LRFN5: variants seen among roughly 807,000 people sequenced by gnomAD.
The protein encoded by LRFN5 is leucine rich repeat and fibronectin type III domain containing 5.
LRFN5 carries 24 observed loss-of-function variants against 45.6 expected under a neutral mutation model. The observed-to-expected ratio is 0.53, with a 90% CI of 0.38 to 0.74. The LOEUF (loss-of-function observed/expected upper bound fraction) is 0.74, where lower values mean the gene tolerates loss of function less well. Ranked by LOEUF, LRFN5 falls within the 30% of genes least tolerant of loss-of-function variation. The pLI is 0.00. For synonymous variants in LRFN5, 340 were observed against 313.8 expected (o/e 1.08, Z -0.88); for missense variants, 776 against 861.5 (o/e 0.90, Z 1.24).
chr14:41,831,446 A>G (rs2139034061), intron 2 of LRFN5, among the ~76,000 whole-genome samples: 1 of 152,348 alleles, frequency 6.6e-6, no homozygotes, highest in Non-Finnish European at 1.5e-5. Context: ...CCACAGATAT[A>G]TAATATAAAC....
chr14:41,650,884 A>AG (rs1880082658), intron 1 of LRFN5, among the ~76,000 whole-genome samples: 1 of 102,554 alleles, frequency 9.8e-6, no homozygotes, highest in Non-Finnish European at 2.0e-5. Flanking sequence ...AGAGACAGAG[A>AG]AAGAGAGAGA....
chr14:41,757,842 C>T (rs1042436007), intron 1 of LRFN5, among the ~76,000 whole-genome samples: 4 of 152,118 alleles, frequency 2.6e-5, no homozygotes, highest in Admixed American at 6.5e-5. Context: ...CAGTCTTCTG[C>T]GTGGCTCACA....
chr14:41,678,138 G>C (rs180831703), intron 1 of LRFN5, among the ~76,000 whole-genome samples: 11 of 151,916 alleles, frequency 7.2e-5, no homozygotes, highest in Admixed American at 1.3e-4. Context: ...AAAAGAGCTA[G>C]AGTGGATATA....
intron 2 of LRFN5, among the ~76,000 whole-genome samples, chr14:41,880,768 C>G (rs1890352027): frequency 6.6e-6 from 1 of 152,018 alleles, no homozygotes. Context: ...AAAAAATTCC[C>G]TTTTTCCTAT....
At chr14:41,772,002 T>G (rs759351080) in intron 2 of LRFN5, among the ~76,000 whole-genome samples, 3 of 152,148 alleles carry the variant, frequency 2.0e-5, no homozygotes, top group Non-Finnish European at 1.5e-5. Context: ...CTCTAGGCTG[T>G]AGGAAGTATG....
At chr14:41,835,019 A>G (rs1009366918) in intron 2 of LRFN5, among the ~76,000 whole-genome samples, 8 of 152,116 alleles carry the variant, frequency 5.3e-5, no homozygotes, top group Non-Finnish European at 1.2e-4. Context: ...TTAAAAAAAA[A>G]AAAAACATGA....
At chr14:41,620,295 C>T (rs1888075269) in intron 1 of LRFN5, among the ~76,000 whole-genome samples, 1 of 152,070 alleles carries the variant, frequency 6.6e-6, no homozygotes, top group African/African-American at 2.4e-5. Context: ...AGCAACGTCT[C>T]AAATAATATA....
chr14:41,716,238 C>T (rs569829766), intron 1 of LRFN5, among the ~76,000 whole-genome samples: 7 of 152,248 alleles, frequency 4.6e-5, no homozygotes, highest in East Asian at 1.9e-4. Context: ...GCCCTGGAGA[C>T]GTTTTTTCCA....
intron 1 of LRFN5, among the ~76,000 whole-genome samples, chr14:41,659,133 A>G (rs1302432136): frequency 4.6e-5 from 7 of 152,066 alleles, no homozygotes; most frequent in Non-Finnish European, 8.8e-5. Flanking sequence ...TACATTTGCC[A>G]TGGTGGTTTG....
chr14:41,674,332 AC>A (rs1369085130), intron 1 of LRFN5, among the ~76,000 whole-genome samples: 2 of 84,268 alleles, frequency 2.4e-5, no homozygotes, highest in African/African-American at 4.9e-5. Context: ...CGGGGGGCCG[AC>A]CCCCCCACCT....
chr14:41,671,260 TATCTTCCTA>T (rs1256292968), intron 1 of LRFN5, among the ~76,000 whole-genome samples: 3 of 152,164 alleles, frequency 2.0e-5, no homozygotes, highest in Non-Finnish European at 2.9e-5. Context: ...AATATGGACT[TATCTTCCTA>T]AAGTTTAAAT....
At chr14:41,805,327 A>T (rs1594425143) in intron 2 of LRFN5, among the ~76,000 whole-genome samples, 1 of 150,940 alleles carries the variant, frequency 6.6e-6, no homozygotes, top group African/African-American at 2.4e-5. Context: ...TATATCAATT[A>T]TGCAGATTTG....
chr14:41,622,863 C>CT (rs1888183785), intron 1 of LRFN5, among the ~76,000 whole-genome samples: 1 of 152,060 alleles, frequency 6.6e-6, no homozygotes, highest in South Asian at 2.1e-4. Context: ...AAGTCATACT[C>CT]TTTTTTGATA....
intron 1 of LRFN5, among the ~76,000 whole-genome samples, chr14:41,631,127 T>C (rs1888518327): frequency 6.6e-6 from 1 of 152,192 alleles, no homozygotes; most frequent in Non-Finnish European, 1.5e-5. Context: ...TCAAACTTGC[T>C]CTCTGACATT....
At chr14:41,688,368 T>A (rs779065555) in intron 1 of LRFN5, among the ~76,000 whole-genome samples, 11 of 152,098 alleles carry the variant, frequency 7.2e-5, no homozygotes, top group Admixed American at 2.6e-4. Context: ...GCTGGATACC[T>A]TATTTACCCT....
At chr14:41,800,930 C>T (rs34739344) in intron 2 of LRFN5, among the ~76,000 whole-genome samples, 19,042 of 151,956 alleles carry the variant, frequency 0.13, 1,274 homozygotes, top group East Asian at 0.22. Context: ...GACTACTTCA[C>T]TTATGAGTCA....
chr14:41,846,719 A>G (rs1889081550), intron 2 of LRFN5, among the ~76,000 whole-genome samples: 1 of 152,184 alleles, frequency 6.6e-6, no homozygotes, highest in Non-Finnish European at 1.5e-5. Flanking sequence ...AGGTGTGAGC[A>G]ATGCTGTGTT....
At chr14:41,800,282 T>C (rs889352266) in intron 2 of LRFN5, among the ~76,000 whole-genome samples, 16 of 147,710 alleles carry the variant, frequency 1.1e-4, no homozygotes, top group African/African-American at 4.3e-4. Flanking sequence ...TGATCACAGA[T>C]GAAACCAAAA....
At chr14:41,796,344 G>A (rs1289029047) in intron 2 of LRFN5, among the ~76,000 whole-genome samples, 3 of 151,858 alleles carry the variant, frequency 2.0e-5, no homozygotes, top group Non-Finnish European at 4.4e-5. Context: ...AAATATTGCT[G>A]CCATGTGTTT....
Sources: allele counts gnomAD v4.1 joint callset (sites outside exome capture counted in the v4.1 genomes callset), GRCh38; gene constraint gnomAD v4.1.1; transcripts MANE v1.5; gene names NCBI Gene and HGNC (gene_info 2026-07-23, HGNC 2026-07-21).